The following TSC2 variants were observed in gnomAD, a reference collection of about 807,000 sequenced individuals.
TSC2 encodes the protein TSC complex subunit 2.
TSC2 carries 29 observed loss-of-function variants against 202.2 expected under a neutral mutation model. The observed-to-expected ratio is 0.14, with a 90% CI of 0.11 to 0.20. The LOEUF is 0.20. TSC2 is among the 10% of genes least tolerant of loss of function. The probability of loss-of-function intolerance (pLI) is 1.00; values close to 1 mark genes in which losing one functional copy is unlikely to be tolerated. For missense variants in TSC2, 2,429 were observed against 2,420.0 expected (o/e 1.00, Z -0.08); for synonymous variants, 1,349 against 1,044.0 (o/e 1.29, Z -5.63).
Position 2,053,324 on chromosome 16 carries a change from C to A in TSC2, c.226-18C>A, listed in dbSNP as rs2151025462. ...TTGGAGAGCACATCCTCACCGCTGT[C>A]CCCTCTGCTGGTGACAGCACGCAGT... On this transcript the variant is annotated intron_variant, in intron 3 of 41. Transcript: ENST00000219476. 6.4e-7 allele frequency: 1 copy of A among 1,564,350 alleles called. No individual in the cohort carries two copies. The highest frequency in any genetic ancestry group is 1.2e-5 in the South Asian group (1 of 84,842).
intron 3 of TSC2, among the ~76,000 whole-genome samples, chr16:2,051,379 C>T (rs991459459): frequency 2.6e-5 from 4 of 151,900 alleles, no homozygotes; most frequent in Admixed American, 6.6e-5. Flanking sequence ...CACTCGCTCT[C>T]TCCTGTTACA....
At chr16:2,060,949 G>C (rs111899473) in intron 11 of TSC2, 136 bp downstream of exon 11, 7 of 1,138,442 alleles carry the variant, frequency 6.1e-6, no homozygotes, top group Middle Eastern at 2.9e-4. Context: ...CTGGTGATTC[G>C]CAGTGGCGCT....
At chr16:2,080,533 G>C in intron 30 of TSC2, 156 bp downstream of exon 30, 1 of 838,544 alleles carries the variant, frequency 1.2e-6, no homozygotes, top group Non-Finnish European at 1.8e-6. Context: ...GCCCACGCTG[G>C]AACGCAGTGG....
intron 16 of TSC2, among the ~76,000 whole-genome samples, chr16:2,069,227 T>A (rs1278848663): frequency 6.6e-6 from 1 of 152,234 alleles, no homozygotes; most frequent in African/African-American, 2.4e-5. Context: ...AGGCACTGTG[T>A]GAACCCCCAC....
chr16:2,069,477 C>A (rs1286522537), intron 16 of TSC2, among the ~76,000 whole-genome samples: 1 of 150,836 alleles, frequency 6.6e-6, no homozygotes, highest in Non-Finnish European at 1.5e-5. Flanking sequence ...ACCACCACAC[C>A]TGGCTAATTT....
intron 15 of TSC2, chr16:2,064,669 C>A: frequency 1.6e-6 from 1 of 613,530 alleles, no homozygotes; most frequent in Non-Finnish European, 2.8e-6. Flanking sequence ...CTGGGCTGGG[C>A]CTCCTGGACC....
chr16:2,079,442 C>G lies in TSC2; in HGVS notation c.3284+14C>G, dbSNP rs762298669. ...CCCGGAGTCGAGGTGACTGCACCTT[C>G]CTTTCCTCCGCGCCTGCCAGCCTCG... On this transcript the variant is annotated intron_variant, in intron 28 of 41. Transcript: ENST00000219476. The surrounding 1 kb of genome is among the most constrained non-coding windows in gnomAD (Gnocchi z 4.6). The G allele has an allele frequency of 3.1e-6, 5 of 1,612,508 alleles. No individual in the cohort carries two copies. The highest frequency in any genetic ancestry group is 2.7e-5 in the African/African-American group (2 of 74,928).
chr16:2,070,190 G>C (rs956574104), intron 16 of TSC2, among the ~76,000 whole-genome samples: 1 of 152,186 alleles, frequency 6.6e-6, no homozygotes, highest in Non-Finnish European at 1.5e-5. Context: ...ATTCTGCCCT[G>C]TCTGCCACGC....
intron 21 of TSC2, among the ~76,000 whole-genome samples, chr16:2,073,269 A>T (rs2088765211): frequency 6.6e-6 from 1 of 152,112 alleles, no homozygotes. Flanking sequence ...TGCTGTCCCA[A>T]GGGGGAGGTG....
At chr16:2,082,841 C>T (rs2090304805) in intron 32 of TSC2, 1 of 461,980 alleles carries the variant, frequency 2.2e-6, no homozygotes, top group Non-Finnish European at 4.0e-6. Context: ...GGGGGAAGCC[C>T]ACCCCTGGGC....
At chr16:2,080,680 T>G (rs1567506620) in intron 30 of TSC2, 2 of 388,524 alleles carry the variant, frequency 5.1e-6, no homozygotes, top group Non-Finnish European at 9.8e-6. Context: ...GAGATGGGGT[T>G]TCACTGTGTT....
At chr16:2,063,229 T>A in intron 14 of TSC2, 176 bp downstream of exon 14, 1 of 779,684 alleles carries the variant, frequency 1.3e-6, no homozygotes, top group Non-Finnish European at 2.1e-6. Context: ...GGCTTGCTCG[T>A]CCTGGGTGCC....
At position 2,048,007 on chromosome 16, in the gene TSC2, CA is replaced by C. The variant is rs2084552077; in HGVS notation, c.-87del. 5.4e-6 allele frequency: 8 copies of C among 1,486,090 alleles called. No homozygotes were observed. Among genetic ancestry groups the C allele is most frequent in the East Asian group, 2.6e-5 (1 of 38,820 alleles). The allele number at this position is 1,486,090 out of a possible 1,614,324, so 92.1% of individuals were successfully genotyped here. On this transcript the variant is annotated 5_prime_UTR_variant, in exon 1 of 42. Transcript: ENST00000219476. ...CGCGCTTCCGGCGGCGTCCCGGGGC[CA>C]GGGGGGTGCGCCTTTCTCCGCGTCG... is the stretch of plus-strand genomic sequence containing the variant.
chr16:2,055,626 C>T (rs1168390559), intron 6 of TSC2, 107 bp downstream of exon 6: 1 of 1,084,514 alleles, frequency 9.2e-7, no homozygotes, highest in African/African-American at 1.5e-5. Flanking sequence ...GGCACAATGG[C>T]TCACGCCTGT....
At chr16:2,076,276 G>C (rs758796804) in intron 24 of TSC2, 106 bp downstream of exon 24, 1 of 1,573,688 alleles carries the variant, frequency 6.4e-7, no homozygotes, top group African/African-American at 1.3e-5. Context: ...AGGGCAGTGG[G>C]AGGGTGTTTG....
intron 10 of TSC2, among the ~76,000 whole-genome samples, chr16:2,059,952 C>T (rs12185167): frequency 0.14 from 21,339 of 152,204 alleles, 2,027 homozygotes; most frequent in Non-Finnish European, 0.21. Flanking sequence ...TGAGCCACTG[C>T]GCGCAGCCCA....
At position 2,071,560 on chromosome 16, in the gene TSC2, C is replaced by T. The variant is rs2151297477; in HGVS notation, c.1890C>T (p.Gly630=). The T allele has an allele frequency of 1.2e-6, 2 of 1,613,578 alleles. No individual in the cohort carries two copies. The highest frequency in any genetic ancestry group is 1.7e-6 in the Non-Finnish European group (2 of 1,180,026). Residue 630 remains glycine (G), a synonymous_variant, in exon 18 of 42, where the codon GGC becomes GGT. Coordinates refer to ENST00000219476, the MANE Select transcript of TSC2 (RefSeq NM_000548.5). ...LLRADSLHRL[G]LPNKDGVVRF... ...GGGCCGACTCACTGCACCGCCTGGG[C>T]CTGCCCAACAAGGATGGAGTCGTGC...
chr16:2,088,347 C>CA, intron 41 of TSC2, 22 bp downstream of exon 41: 1 of 1,612,462 alleles, frequency 6.2e-7, no homozygotes, highest in South Asian at 1.1e-5. Context: ...GGGGCTCCCT[C>CA]AGCGGGGTGT....
At chr16:2,080,029 C>A in intron 29 of TSC2, 136 bp from the exon 30 acceptor site, 1 of 1,226,900 alleles carries the variant, frequency 8.2e-7, no homozygotes, top group Non-Finnish European at 1.2e-6. Flanking sequence ...GTGGGCCGTG[C>A]CCCAAGGGCA....
Sources: gnomAD v4.1 joint callset for allele counts (sites outside exome capture counted in the v4.1 genomes callset) on GRCh38, gnomAD v4.1.1 for gene constraint, Gnocchi (gnomAD v3.1) non-coding constraint, MANE v1.5 for transcripts, NCBI Gene and HGNC (gene_info 2026-07-23, HGNC 2026-07-21) for gene names.